Variants in RBFOX2 observed in about 807,000 individuals in gnomAD.
RBFOX2 encodes RNA binding protein fox-1 homolog 2.
Under a neutral mutation model 49.1 loss-of-function variants are expected in RBFOX2, and 10 were observed. That is an observed-to-expected ratio of 0.20 (90% CI 0.13 to 0.35). The LOEUF is 0.35. Ranked by LOEUF, RBFOX2 falls within the 10% of genes least tolerant of loss-of-function variation. The probability of loss-of-function intolerance (pLI) is 1.00; values close to 1 mark genes in which losing one functional copy is unlikely to be tolerated. For missense variants in RBFOX2, 323 were observed against 486.9 expected (o/e 0.66, Z 3.17); for synonymous variants, 183 against 187.4 (o/e 0.98, Z 0.19).
exon 12 of RBFOX2, chr22:35,742,700 C>T (rs1384955006): frequency 6.6e-6 from 1 of 152,576 alleles, no homozygotes; most frequent in Non-Finnish European, 1.5e-5. Context: ...AGAAGAGAAA[C>T]ACTCCCTCCT....
intron 1 of RBFOX2, among the ~76,000 whole-genome samples, chr22:35,952,888 A>G (rs192096783): frequency 3.1e-3 from 475 of 152,238 alleles, no homozygotes; most frequent in Non-Finnish European, 5.7e-3. Context: ...ATACTTGTAC[A>G]CAGATGTTCA....
intron 1 of RBFOX2, among the ~76,000 whole-genome samples, chr22:35,879,639 A>G (rs1408496623): frequency 6.6e-6 from 1 of 152,252 alleles, no homozygotes; most frequent in African/African-American, 2.4e-5. Flanking sequence ...AGTACCTAGG[A>G]GCAGGCTTGA....
At chr22:35,853,435 A>G (rs1441005904) in intron 1 of RBFOX2, among the ~76,000 whole-genome samples, 2 of 152,142 alleles carry the variant, frequency 1.3e-5, no homozygotes, top group African/African-American at 4.8e-5. Flanking sequence ...TATGTATGTA[A>G]TTAGACTTTG....
At chr22:35,890,398 A>G (rs1245534704) in intron 1 of RBFOX2, among the ~76,000 whole-genome samples, 1 of 152,188 alleles carries the variant, frequency 6.6e-6, no homozygotes, top group African/African-American at 2.4e-5. Context: ...TAAGTTAGGC[A>G]CAGTAAGAGA....
chr22:36,020,177 G>A (rs1434712522), intron 1 of RBFOX2, among the ~76,000 whole-genome samples: 2 of 152,126 alleles, frequency 1.3e-5, no homozygotes, highest in Non-Finnish European at 2.9e-5. Flanking sequence ...AACGGTGCTG[G>A]GAAAACTGGC....
chr22:36,014,207 C>T (rs1040754523), intron 1 of RBFOX2, among the ~76,000 whole-genome samples: 1 of 151,414 alleles, frequency 6.6e-6, no homozygotes, highest in Non-Finnish European at 1.5e-5. Context: ...CTGCAAGCTC[C>T]GCCTCCTGGG....
At chr22:35,746,090 G>C in intron 10 of RBFOX2, 95 bp from the exon 13 acceptor site, 1 of 1,088,394 alleles carries the variant, frequency 9.2e-7, no homozygotes. Context: ...TGAGTCACTT[G>C]GTCTTGGATT....
chr22:36,020,160 T>A (rs2059188038), intron 1 of RBFOX2, among the ~76,000 whole-genome samples: 1 of 152,190 alleles, frequency 6.6e-6, no homozygotes, highest in South Asian at 2.1e-4. Context: ...GGATTCCCTA[T>A]CTAATAAACG....
chr22:35,912,249 A>G (rs1375202654), intron 1 of RBFOX2, among the ~76,000 whole-genome samples: 1 of 152,246 alleles, frequency 6.6e-6, no homozygotes, highest in Non-Finnish European at 1.5e-5. Context: ...TGGCAGAGCT[A>G]AATCACAAGC....
intron 1 of RBFOX2, among the ~76,000 whole-genome samples, chr22:35,980,185 A>T (rs1255686519): frequency 6.6e-6 from 1 of 152,192 alleles, no homozygotes; most frequent in East Asian, 1.9e-4. Flanking sequence ...TACTTAGGTC[A>T]TGTAGGTAAA....
In RBFOX2 at chr22:35,749,430, C is replaced by T. The variant is rs989004267; in HGVS notation, c.888-2869G>A. 6.6e-6 allele frequency among the ~76,000 whole-genome samples: 1 copy of T among 152,034 alleles called. No homozygotes were observed. Among genetic ancestry groups the T allele is most frequent in the Non-Finnish European group, 1.5e-5 (1 of 68,020 alleles). Reference sequence around the variant, plus strand: ...GATAGGCAATATCCTACTAAACTAACTTGGTAATTCACTAATGACTACTCC... The same window carrying T: ...GATAGGCAATATCCTACTAAACTAATTTGGTAATTCACTAATGACTACTCC... On this transcript the variant is annotated intron_variant, in intron 9 of 11. Coordinates refer to ENST00000405409, the Ensembl canonical transcript of RBFOX2. The surrounding 1 kb of genome is among the most constrained non-coding windows in gnomAD (Gnocchi z 4.1).
At chr22:35,756,021 A>C in intron 9 of RBFOX2, 84 bp downstream of exon 11, 1 of 1,063,592 alleles carries the variant, frequency 9.4e-7, no homozygotes, top group Non-Finnish European at 1.2e-6. Flanking sequence ...AAAGGAAAAA[A>C]ACCAAACCAA....
chr22:35,841,130 T>C (rs1261306852), upstream of RBFOX2, among the ~76,000 whole-genome samples: 1 of 152,238 alleles, frequency 6.6e-6, no homozygotes, highest in African/African-American at 2.4e-5. Context: ...ACTTAAGAGA[T>C]ACACAAAGGT....
chr22:35,844,209 C>T (rs559379483), upstream of RBFOX2, among the ~76,000 whole-genome samples: 15 of 152,242 alleles, frequency 9.9e-5, no homozygotes, highest in Admixed American at 3.9e-4. Flanking sequence ...TGGTACATAA[C>T]GGTTGGAGTT....
At chr22:35,883,173 C>G (rs1003398192) in intron 1 of RBFOX2, among the ~76,000 whole-genome samples, 28 of 152,288 alleles carry the variant, frequency 1.8e-4, no homozygotes, top group Admixed American at 2.6e-4. Flanking sequence ...TGTGTTAGCT[C>G]CTGAGCACTT....
chr22:35,888,778 G>A (rs2046903600), intron 1 of RBFOX2, among the ~76,000 whole-genome samples: 1 of 152,126 alleles, frequency 6.6e-6, no homozygotes, highest in South Asian at 2.1e-4. Flanking sequence ...TCAGTGTCTT[G>A]CCACAATCTC....
intron 1 of RBFOX2, among the ~76,000 whole-genome samples, chr22:35,970,586 A>T (rs1478859823): frequency 2.0e-5 from 3 of 152,024 alleles, no homozygotes; most frequent in East Asian, 1.9e-4. Flanking sequence ...GCTTGAGCCC[A>T]GGAGCTCGGG....
chr22:35,930,301 G>A (rs1046432027), intron 1 of RBFOX2, among the ~76,000 whole-genome samples: 8 of 151,882 alleles, frequency 5.3e-5, no homozygotes, highest in African/African-American at 1.7e-4. Flanking sequence ...GATTACAGGC[G>A]TGAGCCACTG....
At chr22:35,800,409 C>A (rs995669818) in intron 2 of RBFOX2, among the ~76,000 whole-genome samples, 1 of 152,174 alleles carries the variant, frequency 6.6e-6, no homozygotes, top group Non-Finnish European at 1.5e-5. Flanking sequence ...TTCAAATACT[C>A]TTCCCAATTT....
Sources: gnomAD v4.1 joint callset for allele counts (sites outside exome capture counted in the v4.1 genomes callset) on GRCh38, gnomAD v4.1.1 for gene constraint, Gnocchi (gnomAD v3.1) non-coding constraint, MANE v1.5 for transcripts, NCBI Gene and HGNC (gene_info 2026-07-23, HGNC 2026-07-21) for gene names.